The following SEPTIN7 variants were observed in gnomAD, a reference collection of about 807,000 sequenced individuals.
SEPTIN7 encodes the protein septin-7.
In SEPTIN7, 10 loss-of-function variants were observed where a neutral mutation model predicts 63.3. The observed-to-expected ratio is 0.16, with a 90% CI of 0.10 to 0.27. SEPTIN7 has a LOEUF of 0.27. Among genes scored for constraint, SEPTIN7 ranks in the 10% least tolerant of loss-of-function variants. The probability of loss-of-function intolerance (pLI) is 1.00; values close to 1 mark genes in which losing one functional copy is unlikely to be tolerated. For missense variants in SEPTIN7, 310 were observed against 521.0 expected, an observed-to-expected ratio of 0.59 and a Z score of 3.94; for synonymous variants, 131 against 165.3, an observed-to-expected ratio of 0.79 and a Z score of 1.59.
At chr7:35,880,835 C>T (rs1335879919) in intron 7 of SEPTIN7, among the ~76,000 whole-genome samples, 1 of 152,020 alleles carries the variant, frequency 6.6e-6, no homozygotes, top group Non-Finnish European at 1.5e-5. Flanking sequence ...CTAGTTGTCT[C>T]AATAATATTG....
At chr7:35,914,240 G>A in the SEPTIN7 span, among the ~76,000 whole-genome samples, 1 of 152,072 alleles carries the variant, frequency 6.6e-6, no homozygotes, top group Non-Finnish European at 1.5e-5. Context: ...AATTATATAG[G>A]AATGTTTATA....
intron 10 of SEPTIN7, among the ~76,000 whole-genome samples, chr7:35,889,142 T>A (rs760643260): frequency 6.6e-6 from 1 of 152,234 alleles, no homozygotes; most frequent in Non-Finnish European, 1.5e-5. Flanking sequence ...AATGCTTTGA[T>A]GTCAAGGCTG....
In SEPTIN7 at chr7:35,903,057, A is replaced by G. The variant is rs1226212035; in HGVS notation, c.1135-19A>G. The G allele has an allele frequency of 2.0e-6, 3 of 1,532,278 alleles. No homozygotes were observed. The highest frequency in any genetic ancestry group is 1.8e-6 in the Non-Finnish European group (2 of 1,142,128). 94.9% of individuals were successfully genotyped at this position (1,532,278 alleles called of 1,614,324 possible). On this transcript the variant is annotated intron_variant, in intron 12 of 13. Coordinates refer to ENST00000350320, the MANE Select transcript of SEPTIN7 (RefSeq NM_001788.6). Reference sequence around the variant, plus strand: ...GATTTCTTAAATAGTTTTGTTTTATATATTGTGCTATGATTTAGCTCCAGC... The same window carrying G: ...GATTTCTTAAATAGTTTTGTTTTATGTATTGTGCTATGATTTAGCTCCAGC...
rs528850910 is a variant in SEPTIN7 at position 35,818,695 on chromosome 7, G to A, written c.62-12797G>A. Among the ~76,000 whole-genome samples, 4 of 152,002 alleles carry A rather than the reference G, an allele frequency of 2.6e-5. No homozygotes were observed. In the South Asian group the frequency reaches 8.3e-4, roughly 31 times the overall value. On this transcript the variant is annotated intron_variant, in intron 1 of 13. Coordinates refer to ENST00000350320, the MANE Select transcript of SEPTIN7 (RefSeq NM_001788.6). Reference sequence around the variant, plus strand: ...TTTTCTGTTTCTTGAGTCAGTTTTGGTAGTTTATGTCTTTCTAGGAATTTT... The same window carrying A: ...TTTTCTGTTTCTTGAGTCAGTTTTGATAGTTTATGTCTTTCTAGGAATTTT...
chr7:35,801,180 GC>G lies in SEPTIN7; in HGVS notation c.-29del, dbSNP rs1277594317. 5 of 1,481,684 alleles carry G rather than the reference GC, an allele frequency of 3.4e-6. No individual in the cohort carries two copies. Among genetic ancestry groups the G allele is most frequent in the Non-Finnish European group, 4.5e-6 (5 of 1,113,522 alleles). 91.8% of individuals were successfully genotyped at this position (1,481,684 alleles called of 1,614,324 possible). A position where few individuals can be genotyped will look rare whatever the true frequency, so the allele number is the denominator to read the frequency against. On this transcript the variant is annotated 5_prime_UTR_variant, in exon 1 of 14. Transcript: ENST00000350320. ...TTGGAGAATCGGCGGGCTGCGCTCCGCTGGGGCTGGTCGCGGAGGGGGGGAG... is the reference window on the plus strand; with the variant it reads ...TTGGAGAATCGGCGGGCTGCGCTCCGTGGGGCTGGTCGCGGAGGGGGGGAG...
At chr7:35,802,208 TG>T (rs1788039015) in intron 1 of SEPTIN7, 1 of 294,338 alleles carries the variant, frequency 3.4e-6, no homozygotes, top group East Asian at 8.5e-5. Flanking sequence ...CCCCACATGT[TG>T]GAAAAAGAAC....
intron 3 of SEPTIN7, among the ~76,000 whole-genome samples, chr7:35,841,686 A>G (rs1784413593): frequency 6.6e-6 from 1 of 152,258 alleles, no homozygotes; most frequent in Non-Finnish European, 1.5e-5. Flanking sequence ...TGAAGGCCGC[A>G]TAGTCTGTCA....
At chr7:35,807,839 TG>T (rs1788451378) in intron 1 of SEPTIN7, among the ~76,000 whole-genome samples, 1 of 151,690 alleles carries the variant, frequency 6.6e-6, no homozygotes, top group East Asian at 1.9e-4. Flanking sequence ...GTTGTTGTTT[TG>T]TTTTTTTGAG....
chr7:35,855,052 C>A (rs1284244454), intron 3 of SEPTIN7, among the ~76,000 whole-genome samples: 4 of 152,106 alleles, frequency 2.6e-5, no homozygotes, highest in South Asian at 4.1e-4. Context: ...CCAGTCCTGT[C>A]TCTAGAAATA....
At chr7:35,852,786 G>A (rs1234579644) in intron 3 of SEPTIN7, among the ~76,000 whole-genome samples, 1 of 152,064 alleles carries the variant, frequency 6.6e-6, no homozygotes, top group Non-Finnish European at 1.5e-5. Context: ...TCATTTATAT[G>A]AGGTACTTGA....
downstream of SEPTIN7, among the ~76,000 whole-genome samples, chr7:35,909,407 T>G (rs1310593850): frequency 6.6e-6 from 1 of 152,176 alleles, no homozygotes; most frequent in Non-Finnish European, 1.5e-5. Flanking sequence ...CTGATAAAAA[T>G]CCACTTTCTG....
downstream of SEPTIN7, among the ~76,000 whole-genome samples, chr7:35,908,666 C>G (rs1161274884): frequency 6.6e-6 from 1 of 152,154 alleles, no homozygotes; most frequent in East Asian, 1.9e-4. Flanking sequence ...TCAGACACTA[C>G]CAACAAACTT....
chr7:35,848,514 C>T (rs536489116), intron 3 of SEPTIN7, among the ~76,000 whole-genome samples: 1 of 151,926 alleles, frequency 6.6e-6, no homozygotes, highest in Non-Finnish European at 1.5e-5. Context: ...TCGTGATCCA[C>T]CCATTTTTAA....
intron 1 of SEPTIN7, among the ~76,000 whole-genome samples, chr7:35,831,015 C>G (rs1562531180): frequency 6.6e-6 from 1 of 152,166 alleles, no homozygotes; most frequent in Non-Finnish European, 1.5e-5. Context: ...CTGTCTTAAT[C>G]CAGTGACTGA....
intron 3 of SEPTIN7, among the ~76,000 whole-genome samples, chr7:35,835,045 A>G (rs1784013905): frequency 6.6e-6 from 1 of 152,146 alleles, no homozygotes; most frequent in Non-Finnish European, 1.5e-5. Context: ...TTTATTGAGT[A>G]CTTGCTTGAG....
intron 1 of SEPTIN7, among the ~76,000 whole-genome samples, chr7:35,824,205 A>G (rs1013748867): frequency 1.3e-5 from 2 of 152,018 alleles, no homozygotes; most frequent in African/African-American, 2.4e-5. Context: ...GTGGTTTCCA[A>G]TGACAATAAG....
At chr7:35,832,958 A>G in intron 3 of SEPTIN7, 58 bp downstream of exon 3, 3 of 927,782 alleles carry the variant, frequency 3.2e-6, no homozygotes, top group Admixed American at 1.7e-5. Flanking sequence ...ACGTTAGTCA[A>G]CTCTGAATAG....
At chr7:35,864,742 T>C (rs994644759) in intron 4 of SEPTIN7, among the ~76,000 whole-genome samples, 1 of 152,180 alleles carries the variant, frequency 6.6e-6, no homozygotes, top group Non-Finnish European at 1.5e-5. Context: ...ATTAAAAATA[T>C]TGTTGGTGAG....
chr7:35,859,531 C>T (rs1785392244), intron 3 of SEPTIN7, among the ~76,000 whole-genome samples: 2 of 152,192 alleles, frequency 1.3e-5, no homozygotes, highest in South Asian at 4.2e-4. Context: ...TCTTCATATC[C>T]TGTATTTCCT....
Sources: allele counts gnomAD v4.1 joint callset (sites outside exome capture counted in the v4.1 genomes callset), GRCh38; gene constraint gnomAD v4.1.1; transcripts MANE v1.5; gene names NCBI Gene and HGNC (gene_info 2026-07-23, HGNC 2026-07-21).